The following CLIC4 variants were observed in gnomAD, a reference collection of about 807,000 sequenced individuals.
CLIC4 encodes the protein CLIC family member 4.
A neutral mutation model predicts 24.6 loss-of-function variants in CLIC4; 13 were observed. The ratio of observed to expected loss-of-function variants is 0.53; its 90% CI spans 0.34 to 0.84. The LOEUF (loss-of-function observed/expected upper bound fraction) is 0.84, where lower values mean the gene tolerates loss of function less well. Among genes scored for constraint, CLIC4 ranks in the 40% least tolerant of loss-of-function variants. The pLI, the probability that CLIC4 is intolerant of heterozygous loss-of-function variation, is 0.01. For missense variants in CLIC4, 227 were observed against 301.7 expected, an observed-to-expected ratio of 0.75 and a Z score of 1.83; for synonymous variants, 104 against 111.3, an observed-to-expected ratio of 0.93 and a Z score of 0.41.
chr1:24,785,753 G>A lies in CLIC4; in HGVS notation c.73-11989G>A, dbSNP rs187092630. ...TATAATCCCAGCTACTTGGGAGGCT[G>A]AGGCAGGAGAATTGCTTGAACCCAG... On this transcript the variant is annotated intron_variant, in intron 1 of 5. Coordinates refer to ENST00000374379, the MANE Select transcript of CLIC4 (RefSeq NM_013943.3). Among the ~76,000 whole-genome samples the A allele has an allele frequency of 3.4e-3, 502 of 149,558 alleles. 2 individuals are homozygous for A. The highest frequency in any genetic ancestry group is 0.012 in the African/African-American group (478 of 40,892).
intron 3 of CLIC4, among the ~76,000 whole-genome samples, chr1:24,819,270 G>C (rs531250613): frequency 2.0e-5 from 3 of 151,798 alleles, no homozygotes; most frequent in South Asian, 4.2e-4. Flanking sequence ...CCCCAGTAAA[G>C]TATCTCCAGA....
chr1:24,836,262 A>G (rs1164582709), intron 4 of CLIC4, among the ~76,000 whole-genome samples: 1 of 152,268 alleles, frequency 6.6e-6, no homozygotes, highest in Non-Finnish European at 1.5e-5. Context: ...ATCCACAGTC[A>G]TAGTGGGGGA....
rs148302313 is a variant in CLIC4 at position 24,760,460 on chromosome 1, T to TA, written c.72+14835_72+14836insA. ...TACAAAGTCTTTGATCTGGCATTGA[T>TA]CTAACTTGTATTTCCACTCTTAACC... On this transcript the variant is annotated intron_variant, in intron 1 of 5. Transcript: ENST00000374379. Among the ~76,000 whole-genome samples the TA allele has an allele frequency of 4.6e-3, 694 of 152,258 alleles. 7 individuals are homozygous for TA. The highest frequency in any genetic ancestry group is 0.016 in the African/African-American group (660 of 41,554).
At chr1:24,831,752 C>T (rs1446704839) in intron 4 of CLIC4, among the ~76,000 whole-genome samples, 1 of 152,216 alleles carries the variant, frequency 6.6e-6, no homozygotes, top group East Asian at 1.9e-4. Flanking sequence ...GATTCTCCTA[C>T]CTCAGCCTCC....
At chr1:24,790,048 G>A (rs1265926597) in intron 1 of CLIC4, among the ~76,000 whole-genome samples, 4 of 152,220 alleles carry the variant, frequency 2.6e-5, no homozygotes, top group African/African-American at 9.6e-5. Flanking sequence ...GTGCCGCACT[G>A]GGTTATCTCA....
intron 2 of CLIC4, among the ~76,000 whole-genome samples, chr1:24,813,421 T>C (rs865852071): frequency 1.3e-5 from 2 of 152,070 alleles, no homozygotes; most frequent in South Asian, 4.1e-4. Flanking sequence ...TCTTTTTCTC[T>C]TTTTCTTTTT....
intron 3 of CLIC4, among the ~76,000 whole-genome samples, chr1:24,815,732 T>G (rs916334460): frequency 7.2e-5 from 11 of 152,196 alleles, no homozygotes; most frequent in African/African-American, 2.7e-4. Context: ...GCAATAGTGT[T>G]TGATAGCATT....
intron 1 of CLIC4, among the ~76,000 whole-genome samples, chr1:24,759,915 C>T (rs1004153835): frequency 3.3e-5 from 5 of 151,912 alleles, no homozygotes; most frequent in Non-Finnish European, 5.9e-5. Flanking sequence ...AATCCATAAT[C>T]GTGTCACTGC....
intron 1 of CLIC4, among the ~76,000 whole-genome samples, chr1:24,797,171 C>T (rs979824519): frequency 4.0e-5 from 6 of 151,476 alleles, no homozygotes; most frequent in Non-Finnish European, 8.8e-5. Flanking sequence ...CCAGGCTGGT[C>T]TCAAACTCCT....
chr1:24,793,578 A>C (rs531888999), intron 1 of CLIC4, among the ~76,000 whole-genome samples: 2 of 152,348 alleles, frequency 1.3e-5, no homozygotes, highest in South Asian at 4.1e-4. Context: ...TAATCACAGT[A>C]AAATTTAAGA....
At chr1:24,828,628 T>A (rs1639810722) in intron 4 of CLIC4, among the ~76,000 whole-genome samples, 1 of 150,034 alleles carries the variant, frequency 6.7e-6, no homozygotes, top group Non-Finnish European at 1.5e-5. Context: ...CTTCTGACAC[T>A]TAGTGGGGAG....
chr1:24,780,712 G>T (rs1639192837), intron 1 of CLIC4, among the ~76,000 whole-genome samples: 3 of 152,334 alleles, frequency 2.0e-5, no homozygotes, highest in African/African-American at 7.2e-5. Context: ...TGTCACCCCA[G>T]ATTTACTGAA....
chr1:24,764,396 G>A (rs1203154472), intron 1 of CLIC4, among the ~76,000 whole-genome samples: 1 of 151,352 alleles, frequency 6.6e-6, no homozygotes, highest in African/African-American at 2.4e-5. Context: ...CACCACGTCC[G>A]GCCAAGGCTC....
chr1:24,780,411 A>G (rs1639188893), intron 1 of CLIC4, among the ~76,000 whole-genome samples: 1 of 152,236 alleles, frequency 6.6e-6, no homozygotes, highest in African/African-American at 2.4e-5. Flanking sequence ...CCCTCTTTGC[A>G]TAAAATTCAA....
intron 1 of CLIC4, among the ~76,000 whole-genome samples, chr1:24,746,182 GT>G (rs1424531101): frequency 1.3e-5 from 2 of 152,232 alleles, no homozygotes; most frequent in East Asian, 1.9e-4. Context: ...CAAAGAGCAG[GT>G]GCTCTTGGAC....
chr1:24,745,638 C>T lies in CLIC4; in HGVS notation c.72+13C>T. 5 of 1,540,486 alleles carry T rather than the reference C, an allele frequency of 3.2e-6. No homozygotes were observed. Among genetic ancestry groups the T allele is most frequent in the Non-Finnish European group, 4.4e-6 (5 of 1,145,490 alleles). On this transcript the variant is annotated intron_variant, in intron 1 of 5. Transcript: ENST00000374379. ...GCTCTTCGTCAAGGTGAGCGCTCGCCTCGCGGTCCCGCCCGGCAGATCCCC... is the reference window on the plus strand; with the variant it reads ...GCTCTTCGTCAAGGTGAGCGCTCGCTTCGCGGTCCCGCCCGGCAGATCCCC...
At chr1:24,760,152 G>A (rs79193579) in intron 1 of CLIC4, among the ~76,000 whole-genome samples, 18 of 152,028 alleles carry the variant, frequency 1.2e-4, no homozygotes. Flanking sequence ...GATCAGTTGA[G>A]GTCAGGAGTT....
chr1:24,806,886 A>T (rs1270853347), intron 2 of CLIC4, among the ~76,000 whole-genome samples: 4 of 152,220 alleles, frequency 2.6e-5, no homozygotes, highest in Non-Finnish European at 5.9e-5. Flanking sequence ...TAATTTACTT[A>T]GTCATGTAGC....
intron 4 of CLIC4, among the ~76,000 whole-genome samples, chr1:24,838,800 C>CAGAT (rs1420447127): frequency 1.2e-4 from 18 of 152,142 alleles, no homozygotes; most frequent in African/African-American, 4.1e-4. Context: ...CTTGACTTTC[C>CAGAT]AGATATACAG....
Sources: allele counts gnomAD v4.1 joint callset (sites outside exome capture counted in the v4.1 genomes callset), GRCh38; gene constraint gnomAD v4.1.1; transcripts MANE v1.5; gene names NCBI Gene and HGNC (gene_info 2026-07-23, HGNC 2026-07-21).